Variants in GRIP1 observed in about 807,000 individuals in gnomAD.
GRIP1 encodes the protein glutamate receptor-interacting protein 1.
In GRIP1, 45 loss-of-function variants were observed where a neutral mutation model predicts 129.9. The ratio of observed to expected loss-of-function variants is 0.35; its 90% CI spans 0.27 to 0.44. The LOEUF is 0.44. GRIP1 is among the 20% of genes least tolerant of loss of function. The pLI, the probability that GRIP1 is intolerant of heterozygous loss-of-function variation, is 1.00. For synonymous variants in GRIP1, 530 were observed against 520.8 expected, an observed-to-expected ratio of 1.02 and a Z score of -0.24; for missense variants, 1,196 against 1,396.8, an observed-to-expected ratio of 0.86 and a Z score of 2.29.
rs1555169268 is a variant in GRIP1 at position 66,348,188 on chromosome 12, T to TATCA, written c.*827_*830dup. ...TCAAGCAGTATGAGTTTGGTTTGCC[T>TATCA]ATCATTAAGATGAACCTCATTTTAA... On this transcript the variant is annotated 3_prime_UTR_variant, in exon 25 of 25. Transcript: ENST00000359742. 3 of 152,236 alleles carry TATCA rather than the reference T, an allele frequency of 2.0e-5. No homozygotes were observed. The highest frequency in any genetic ancestry group is 6.5e-5 in the Admixed American group (1 of 15,286). 9.4% of individuals were successfully genotyped at this position (152,236 alleles called of 1,614,324 possible).
intron 7 of GRIP1, among the ~76,000 whole-genome samples, chr12:66,467,991 C>T (rs957453775): frequency 6.6e-6 from 1 of 152,154 alleles, no homozygotes; most frequent in African/African-American, 2.4e-5. Context: ...TTATTAATCT[C>T]TTTTAGGAAT....
intron 1 of GRIP1, among the ~76,000 whole-genome samples, chr12:66,643,053 G>GA (rs565947141): frequency 3.4e-4 from 52 of 152,248 alleles, no homozygotes; most frequent in Non-Finnish European, 7.1e-4. Flanking sequence ...AATAAACACA[G>GA]ATACCAATTA....
At chr12:66,480,236 T>A (rs547398372) in intron 7 of GRIP1, among the ~76,000 whole-genome samples, 2 of 152,230 alleles carry the variant, frequency 1.3e-5, no homozygotes, top group Non-Finnish European at 2.9e-5. Context: ...GGATACAAAA[T>A]CAATGTGCAA....
At chr12:66,375,805 T>C (rs1248368073) in intron 22 of GRIP1, among the ~76,000 whole-genome samples, 2 of 152,252 alleles carry the variant, frequency 1.3e-5, no homozygotes, top group Non-Finnish European at 1.5e-5. Context: ...ATTTTCTTTT[T>C]GCCTAATGTA....
chr12:66,389,197 A>T (rs2056480140), intron 19 of GRIP1, among the ~76,000 whole-genome samples: 1 of 152,170 alleles, frequency 6.6e-6, no homozygotes, highest in East Asian at 1.9e-4. Flanking sequence ...AATAGGAAAA[A>T]TAAAAGTGTG....
chr12:66,450,252 G>A (rs578151532), intron 11 of GRIP1, among the ~76,000 whole-genome samples: 3 of 142,418 alleles, frequency 2.1e-5, no homozygotes, highest in Non-Finnish European at 3.0e-5. Context: ...TGCAGTGAGC[G>A]GAGATCTCGC....
chr12:67,064,015 T>C (rs143259256), intron 1 of GRIP1, among the ~76,000 whole-genome samples: 1,607 of 152,234 alleles, frequency 0.011, 24 homozygotes, highest in African/African-American at 0.037. Context: ...AAATACGCTT[T>C]GAAAAAAAAG....
chr12:66,349,182 C>T lies in GRIP1; in HGVS notation c.3224G>A (p.Gly1075Glu). 1.2e-6 allele frequency: 2 copies of T among 1,614,078 alleles called. No homozygotes were observed. Among genetic ancestry groups the T allele is most frequent in the Non-Finnish European group, 1.7e-6 (2 of 1,180,002 alleles). ...CLVVPLIAESGNKLDLVISRN... is the reference protein window; with the variant it reads ...CLVVPLIAESENKLDLVISRN... Reference sequence around the variant, plus strand: ...ACTAATAACCAGGTCCAGCTTATTCCCGGATTCTGCTATGAGGGGCACAAC... The same window carrying T: ...ACTAATAACCAGGTCCAGCTTATTCTCGGATTCTGCTATGAGGGGCACAAC... The change falls in exon 25 of 25, where the codon GGG becomes GAG. Residue 1075 changes from glycine (G) to glutamate (E), a missense_variant. Transcript: ENST00000359742.
chr12:66,844,712 T>C (rs1047417637), intron 1 of GRIP1, among the ~76,000 whole-genome samples: 1 of 152,188 alleles, frequency 6.6e-6, no homozygotes, highest in African/African-American at 2.4e-5. Flanking sequence ...CAAATGTCCA[T>C]CAATGGATGA....
intron 11 of GRIP1, among the ~76,000 whole-genome samples, chr12:66,450,730 C>A (rs2058768487): frequency 6.6e-6 from 1 of 151,820 alleles, no homozygotes; most frequent in African/African-American, 2.4e-5. Context: ...AGCAAAATTT[C>A]ATTTGAAATT....
At chr12:66,793,553 C>T (rs2038607438) in intron 1 of GRIP1, among the ~76,000 whole-genome samples, 1 of 152,152 alleles carries the variant, frequency 6.6e-6, no homozygotes, top group African/African-American at 2.4e-5. Context: ...CTGAGAAGAA[C>T]ATTCACCTCA....
intron 1 of GRIP1, among the ~76,000 whole-genome samples, chr12:66,756,569 T>C (rs1009908364): frequency 6.6e-6 from 1 of 152,184 alleles, no homozygotes; most frequent in African/African-American, 2.4e-5. Context: ...TGGTTCTCAC[T>C]TCATAGAGCC....
intron 1 of GRIP1, among the ~76,000 whole-genome samples, chr12:67,008,260 G>T (rs1410309360): frequency 6.6e-6 from 1 of 152,096 alleles, no homozygotes; most frequent in Non-Finnish European, 1.5e-5. Flanking sequence ...GTTATACCCA[G>T]AAAAATGAAA....
rs563202328 is a variant in GRIP1, at chr12:66,594,731, C to T, written c.136+2116G>A. Among the ~76,000 whole-genome samples the T allele has an allele frequency of 2.0e-5, 3 of 152,256 alleles. No homozygotes were observed. In the East Asian group the frequency reaches 5.8e-4, roughly 29 times the overall value. The stretch of plus-strand genomic sequence containing the variant: ...CATTTACTTGGCCTTTTCCTCTGTG[C>T]ATTTTTCTCTCTCTCATGGACTTAG... On this transcript the variant is annotated intron_variant, in intron 2 of 24. Coordinates refer to ENST00000359742, the MANE Select transcript of GRIP1 (RefSeq NM_001366722.1).
intron 1 of GRIP1, among the ~76,000 whole-genome samples, chr12:66,616,917 G>A (rs921419134): frequency 1.3e-5 from 2 of 152,060 alleles, no homozygotes; most frequent in South Asian, 2.1e-4. Context: ...AGATGTGAAC[G>A]GAAACCAAAT....
chr12:66,887,520 A>G (rs2040585321), intron 1 of GRIP1, among the ~76,000 whole-genome samples: 1 of 152,218 alleles, frequency 6.6e-6, no homozygotes, highest in African/African-American at 2.4e-5. Context: ...TGACATAATC[A>G]TAAACTATAG....
intron 23 of GRIP1, among the ~76,000 whole-genome samples, chr12:66,362,412 C>G (rs993556640): frequency 6.7e-6 from 1 of 149,662 alleles, no homozygotes; most frequent in African/African-American, 2.6e-5. Context: ...CTTGGCCTCC[C>G]AAAATGCTGG....
chr12:66,704,333 T>G (rs2035455545), intron 1 of GRIP1, among the ~76,000 whole-genome samples: 1 of 151,972 alleles, frequency 6.6e-6, no homozygotes, highest in Admixed American at 6.6e-5. Context: ...AAAAAGCTAA[T>G]GTTAAAAATT....
At chr12:66,531,235 C>CAAAAAA (rs1168836647) in intron 4 of GRIP1, among the ~76,000 whole-genome samples, 2 of 16,446 alleles carry the variant, frequency 1.2e-4, no homozygotes, top group East Asian at 2.2e-3. Flanking sequence ...GACTCTGTCT[C>CAAAAAA]AAAAAAAAAA....
Sources: gnomAD v4.1 joint callset for allele counts (sites outside exome capture counted in the v4.1 genomes callset) on GRCh38, gnomAD v4.1.1 for gene constraint, MANE v1.5 for transcripts, NCBI Gene and HGNC (gene_info 2026-07-23, HGNC 2026-07-21) for gene names.